Variants in CEP57L1 observed in about 807,000 individuals in gnomAD.
The protein encoded by CEP57L1 is centrosomal protein 57 like 1.
A neutral mutation model predicts 61.0 loss-of-function variants in CEP57L1; 37 were observed. That is an observed-to-expected ratio of 0.61 (90% CI 0.47 to 0.80). The LOEUF is 0.80. CEP57L1 is among the 30% of genes least tolerant of loss of function. The pLI, the probability that CEP57L1 is intolerant of heterozygous loss-of-function variation, is 0.00. For missense variants in CEP57L1, 422 were observed against 524.7 expected (o/e 0.80, Z 1.91); for synonymous variants, 137 against 162.3 (o/e 0.84, Z 1.19).
At chr6:109,130,627 A>G (rs1253604452) in intron 1 of CEP57L1, 1 of 139,520 alleles carries the variant, frequency 7.2e-6, no homozygotes, top group Non-Finnish European at 1.6e-5. Flanking sequence ...TGAAATTGAC[A>G]TTTTTAAAGA....
chr6:109,129,812 AT>A lies in CEP57L1; in HGVS notation c.-3-15397del, dbSNP rs933173918. ...TCGCAGGTTTATATCTTTCTTTAAA[AT>A]TTTTTTTTTAATTTAAAATTTAAAA... On this transcript the variant is annotated intron_variant, in intron 1 of 10. Transcript: ENST00000517392. 8.6e-3 allele frequency among the ~76,000 whole-genome samples: 1,282 copies of A among 149,020 alleles called. 26 individuals are homozygous for A. The highest frequency in any genetic ancestry group is 0.03 in the African/African-American group (1,218 of 40,542).
At chr6:109,133,767 G>C (rs1286068277) in intron 1 of CEP57L1, among the ~76,000 whole-genome samples, 2 of 152,170 alleles carry the variant, frequency 1.3e-5, no homozygotes, top group Non-Finnish European at 2.9e-5. Context: ...ACTGCCATCA[G>C]AGAATACTAT....
intron 3 of CEP57L1, among the ~76,000 whole-genome samples, chr6:109,148,901 G>A (rs1772274512): frequency 6.6e-6 from 1 of 152,134 alleles, no homozygotes; most frequent in South Asian, 2.1e-4. Flanking sequence ...GTGTTTTTTG[G>A]CTGCATAAAT....
chr6:109,127,078 A>T (rs915517577), intron 1 of CEP57L1, among the ~76,000 whole-genome samples: 3 of 152,194 alleles, frequency 2.0e-5, no homozygotes, highest in African/African-American at 7.2e-5. Context: ...GGGCAAGAGA[A>T]TTGCTTGAAC....
chr6:109,141,061 A>T (rs997650205), intron 1 of CEP57L1, among the ~76,000 whole-genome samples: 4 of 151,278 alleles, frequency 2.6e-5, no homozygotes, highest in African/African-American at 9.7e-5. Flanking sequence ...CGATCTCCTG[A>T]CCTCGTAATC....
chr6:109,109,783 T>C (rs1583391736), intron 1 of CEP57L1, among the ~76,000 whole-genome samples: 1 of 152,242 alleles, frequency 6.6e-6, no homozygotes, highest in Non-Finnish European at 1.5e-5. Flanking sequence ...AGTGAGAACA[T>C]GTGGTGTTTG....
At chr6:109,160,458 G>T in intron 9 of CEP57L1, 114 bp from the exon 10 acceptor site, 1 of 765,258 alleles carries the variant, frequency 1.3e-6, no homozygotes, top group Non-Finnish European at 2.1e-6. Flanking sequence ...GTTTTTAAAG[G>T]TTAATATTTA....
rs1481576510 is a variant in CEP57L1 at position 109,172,652 on chromosome 6, T to G, written c.*9682T>G. Reference sequence around the variant, plus strand: ...TACCTATCATGGCCTCTGGTTAAGGTGTCAGTCTTGCCTCCAAATTTCCTC... The same window carrying G: ...TACCTATCATGGCCTCTGGTTAAGGGGTCAGTCTTGCCTCCAAATTTCCTC... On this transcript the variant is annotated 3_prime_UTR_variant, in exon 11 of 11. Coordinates refer to ENST00000517392, the MANE Select transcript of CEP57L1 (RefSeq NM_001271852.3). Among the ~76,000 whole-genome samples the G allele has an allele frequency of 2.0e-5, 3 of 152,144 alleles. No homozygotes were observed. Among genetic ancestry groups the G allele is most frequent in the Non-Finnish European group, 2.9e-5 (2 of 68,018 alleles).
intron 1 of CEP57L1, among the ~76,000 whole-genome samples, chr6:109,136,607 G>A (rs1179727801): frequency 3.3e-5 from 5 of 150,408 alleles, no homozygotes; most frequent in Admixed American, 3.3e-4. Context: ...TTTTGCAAAT[G>A]CGGAATTTGA....
At chr6:109,158,680 C>G (rs1179718346) in intron 7 of CEP57L1, 1 of 476,674 alleles carries the variant, frequency 2.1e-6, no homozygotes, top group Non-Finnish European at 4.1e-6. Flanking sequence ...AACTGTCTTC[C>G]AAAATGGCTG....
intron 1 of CEP57L1, among the ~76,000 whole-genome samples, chr6:109,101,529 T>A (rs893161369): frequency 1.8e-4 from 28 of 152,308 alleles, no homozygotes; most frequent in Admixed American, 1.4e-3. Flanking sequence ...GGGCAAAAAA[T>A]TTTTAACTCA....
intron 10 of CEP57L1, among the ~76,000 whole-genome samples, chr6:109,161,752 T>C (rs979352425): frequency 5.3e-5 from 8 of 152,138 alleles, no homozygotes; most frequent in African/African-American, 1.9e-4. Flanking sequence ...ATTATCACTT[T>C]TAAAACTCAG....
At chr6:109,130,939 T>G (rs1196290940) in intron 1 of CEP57L1, 1 of 152,170 alleles carries the variant, frequency 6.6e-6, no homozygotes, top group African/African-American at 2.4e-5. Flanking sequence ...GGAAATACAC[T>G]TTAGGACCAT....
chr6:109,142,546 C>T (rs886136160), intron 1 of CEP57L1, among the ~76,000 whole-genome samples: 5 of 150,704 alleles, frequency 3.3e-5, no homozygotes, highest in African/African-American at 9.8e-5. Flanking sequence ...CAAACCTGCA[C>T]GTTCTGCACA....
intron 8 of CEP57L1, 23 bp downstream of exon 8, chr6:109,159,125 T>G (rs766471383): frequency 1.7e-5 from 28 of 1,613,914 alleles, no homozygotes; most frequent in Admixed American, 1.2e-4. Flanking sequence ...AAAATGAAGA[T>G]AGTCGTTCAA....
Position 109,169,096 on chromosome 6 carries a change from T to C in CEP57L1, c.*6126T>C, listed in dbSNP as rs538730629. ...CAAAAATTAGCCGGGCATGGTGGTA[T>C]GTGCCTGTAATCCCGGGTACTCGGG... is the stretch of plus-strand genomic sequence containing the variant. On this transcript the variant is annotated 3_prime_UTR_variant, in exon 11 of 11. Coordinates refer to ENST00000517392, the MANE Select transcript of CEP57L1 (RefSeq NM_001271852.3). Among the ~76,000 whole-genome samples the C allele has an allele frequency of 1.3e-4, 19 of 151,544 alleles. No homozygotes were observed. Among genetic ancestry groups the C allele is most frequent in the African/African-American group, 4.3e-4 (18 of 41,450 alleles).
At chr6:109,102,789 T>A (rs1770472209) in intron 1 of CEP57L1, among the ~76,000 whole-genome samples, 1 of 152,214 alleles carries the variant, frequency 6.6e-6, no homozygotes, top group South Asian at 2.1e-4. Flanking sequence ...TTATACTGAA[T>A]CTGTACAACT....
At chr6:109,100,798 T>A (rs1294482190) in intron 1 of CEP57L1, among the ~76,000 whole-genome samples, 7 of 151,904 alleles carry the variant, frequency 4.6e-5, no homozygotes, top group Admixed American at 1.3e-4. Flanking sequence ...TAATTCAGAG[T>A]TCTTATATTC....
intron 1 of CEP57L1, among the ~76,000 whole-genome samples, chr6:109,131,168 A>G (rs1774159147): frequency 6.6e-6 from 1 of 152,226 alleles, no homozygotes; most frequent in Admixed American, 6.5e-5. Flanking sequence ...CTGTTAATAC[A>G]TTATACATGA....
Sources: allele counts gnomAD v4.1 joint callset (sites outside exome capture counted in the v4.1 genomes callset), GRCh38; gene constraint gnomAD v4.1.1; transcripts MANE v1.5; gene names NCBI Gene and HGNC (gene_info 2026-07-23, HGNC 2026-07-21).